Variants in EPS8L2 observed in about 807,000 individuals in gnomAD.
EPS8L2 encodes the protein EPS8 signaling adaptor L2.
A neutral mutation model predicts 99.4 loss-of-function variants in EPS8L2; 81 were observed. That is an observed-to-expected ratio of 0.82 (90% CI 0.68 to 0.98). The LOEUF is 0.98. Among genes scored for constraint, EPS8L2 ranks in the 50% least tolerant of loss-of-function variants. EPS8L2 has a pLI of 0.00. For synonymous variants in EPS8L2, 509 were observed against 407.3 expected (o/e 1.25, Z -3.01); for missense variants, 1,155 against 968.8 (o/e 1.19, Z -2.55).
intron 9 of EPS8L2, 88 bp downstream of exon 9, chr11:721,440 A>T: frequency 6.7e-7 from 1 of 1,490,366 alleles, no homozygotes. Flanking sequence ...GCCAGTCCCC[A>T]GCCTGTGGCT....
chr11:725,597 C>T (rs1376454860), intron 16 of EPS8L2, 131 bp from the exon 17 acceptor site: 3 of 854,122 alleles, frequency 3.5e-6, no homozygotes, highest in East Asian at 6.7e-5. Context: ...AACAGGGGTG[C>T]GGAGAGAATG....
intron 1 of EPS8L2, chr11:708,972 C>T (rs2133496757): frequency 7.3e-6 from 1 of 137,004 alleles, no homozygotes; most frequent in South Asian, 2.5e-4. Flanking sequence ...CACACTCCCA[C>T]CTCATCCCCC....
At chr11:717,633 C>A (rs1862054213) in intron 4 of EPS8L2, among the ~76,000 whole-genome samples, 1 of 152,170 alleles carries the variant, frequency 6.6e-6, no homozygotes, top group Non-Finnish European at 1.5e-5. Flanking sequence ...AATCCCAGCA[C>A]TTTGGGAGGC....
rs1861835432 is a variant in EPS8L2, at chr11:709,788, C to CT, written c.100+181dup. The CT allele has an allele frequency of 7.7e-6, 5 of 647,896 alleles. No homozygotes were observed. The East Asian group carries it at 1.4e-4, about 18-fold the overall frequency. 40.1% of individuals were successfully genotyped at this position (647,896 alleles called of 1,614,324 possible). On this transcript the variant is annotated intron_variant, in intron 3 of 20. Transcript: ENST00000318562. ...CGAAAGCTCCTGGCCACTGGATCCC[C>CT]TCCCCCACACCCGTAAGGGGAGAGG... is the stretch of plus-strand genomic sequence containing the variant.
At chr11:720,978 G>GCCGGCAGGGGTGGGGAGGAGC in intron 7 of EPS8L2, 69 bp downstream of exon 7, 2 of 1,097,670 alleles carry the variant, frequency 1.8e-6, no homozygotes, top group Non-Finnish European at 1.2e-6. Context: ...GAGGGGAGGA[G>GCCGGCAGGGGTGGGGAGGAGC]CCGGCAGGGG....
At position 720,753 on chromosome 11, in the gene EPS8L2, C is replaced by A; in HGVS notation, c.477+7C>A. 2 of 1,081,412 alleles carry A rather than the reference C, an allele frequency of 1.8e-6. No individual in the cohort carries two copies. Among genetic ancestry groups the A allele is most frequent in the Middle Eastern group, 2.9e-4 (1 of 3,474 alleles). 67.0% of individuals were successfully genotyped at this position (1,081,412 alleles called of 1,614,324 possible). On this transcript the variant is annotated splice_region_variant and intron_variant, in intron 6 of 20. Transcript: ENST00000318562. Reference sequence around the variant, plus strand: ...CCACTGCGATGAGGTGGAGGTGAGGCGGTGCCGGGCGGGGCAGGGTGGGGC... The same window carrying A: ...CCACTGCGATGAGGTGGAGGTGAGGAGGTGCCGGGCGGGGCAGGGTGGGGC...
At chr11:710,137 C>G (rs1301897722) in intron 3 of EPS8L2, 1 of 457,524 alleles carries the variant, frequency 2.2e-6, no homozygotes, top group Admixed American at 3.6e-5. Context: ...CCCTCACCCT[C>G]CGGGACAGAA....
At chr11:721,498 T>G in intron 9 of EPS8L2, 67 bp from the exon 10 acceptor site, 1 of 1,514,576 alleles carries the variant, frequency 6.6e-7, no homozygotes, top group Non-Finnish European at 8.8e-7. Flanking sequence ...TCTGTGGGGC[T>G]GTCCCTGCAG....
intron 16 of EPS8L2, among the ~76,000 whole-genome samples, chr11:725,199 GAGC>G (rs978695071): frequency 1.3e-5 from 2 of 152,226 alleles, no homozygotes; most frequent in African/African-American, 4.8e-5. Context: ...ACAGAAAGTG[GAGC>G]AGGCTAGGGG....
At chr11:721,763 A>C (rs753850480) in intron 10 of EPS8L2, 72 bp downstream of exon 10, 9 of 1,547,318 alleles carry the variant, frequency 5.8e-6, no homozygotes, top group Non-Finnish European at 8.0e-6. Context: ...AGGGACGGGG[A>C]CGGGGCCAGG....
Position 724,717 on chromosome 11 carries a change from C to T in EPS8L2, c.1455-7C>T, listed in dbSNP as rs569801997. On this transcript the variant is annotated splice_region_variant and splice_polypyrimidine_tract_variant and intron_variant, in intron 15 of 20. Coordinates refer to ENST00000318562, the MANE Select transcript of EPS8L2 (RefSeq NM_022772.4). This position sits in a 1 kb window ranked among gnomAD's most constrained non-coding sequence, Gnocchi z 5.5. ...GACTGGGCCTCAGCCCCTCCTGTTC[C>T]TCACAGGGGCTACCAGCCAACACCA... 1.9e-6 allele frequency: 3 copies of T among 1,608,700 alleles called. No individual in the cohort carries two copies. Among genetic ancestry groups the T allele is most frequent in the East Asian group, 4.5e-5 (2 of 44,868 alleles).
chr11:715,086 C>CA lies in EPS8L2; in HGVS notation c.165+4606dup, dbSNP rs532191486. 2.7e-3 allele frequency among the ~76,000 whole-genome samples: 412 copies of CA among 152,158 alleles called. 1 individual carries two copies. The highest frequency in any genetic ancestry group is 9.5e-3 in the African/African-American group (393 of 41,528). On this transcript the variant is annotated intron_variant, in intron 4 of 20. Coordinates refer to ENST00000318562, the MANE Select transcript of EPS8L2 (RefSeq NM_022772.4). ...TGAAACCCCGTCTCTACTAAAAATA[C>CA]AAAAAATTAGCCAGGTGGGATGGCG...
In EPS8L2 at chr11:726,151, C is replaced by T. The variant is rs539848608; in HGVS notation, c.1734C>T (p.Ser578=). Residue 578 remains serine (S), a synonymous_variant, in exon 18 of 21, where the codon AGC becomes AGT. Transcript: ENST00000318562. ...PASPTHKLPP[S]FPGNKDELMQ... ...GCCCGACCCACAAGCTACCCCCAAG[C>T]TTCCCGGGGAACAAAGACGGTGAGA... is the stretch of plus-strand genomic sequence containing the variant. 1.9e-6 allele frequency: 3 copies of T among 1,608,904 alleles called. No homozygotes were observed. The highest frequency in any genetic ancestry group is 2.5e-6 in the Non-Finnish European group (3 of 1,178,174).
chr11:727,010 G>T lies in EPS8L2; in HGVS notation c.*29G>T, dbSNP rs565938045. On this transcript the variant is annotated 3_prime_UTR_variant, in exon 21 of 21. Transcript: ENST00000318562. ...CAGCTGCCTTGGGCTGGGGCCTGCG[G>T]AGGGGAAGCCCACCCACAATGCATG... is the stretch of plus-strand genomic sequence containing the variant. 1.0e-5 allele frequency: 15 copies of T among 1,507,250 alleles called. No individual in the cohort carries two copies. The South Asian group carries it at 1.7e-4, about 17-fold the overall frequency. The allele number at this position is 1,507,250 out of a possible 1,614,324, so 93.4% of individuals were successfully genotyped here.
chr11:715,054 A>G (rs998633500), intron 4 of EPS8L2, among the ~76,000 whole-genome samples: 7 of 152,118 alleles, frequency 4.6e-5, no homozygotes, highest in African/African-American at 7.2e-5. Flanking sequence ...CATTCTGGCT[A>G]ACATGGTGAA....
chr11:716,784 A>C (rs1862037997), intron 4 of EPS8L2, among the ~76,000 whole-genome samples: 1 of 152,026 alleles, frequency 6.6e-6, no homozygotes, highest in African/African-American at 2.4e-5. Flanking sequence ...ATGGGTTTCT[A>C]CCTTAATTCT....
Position 726,338 on chromosome 11 carries a change from G to A in EPS8L2, c.1788G>A (p.Glu596=), listed in dbSNP as rs1451510780. ...AGCACATGGACGAGGTCAACGACGAGCTCATCCGGAAAATCAGCAACATCA... is the reference window on the plus strand; with the variant it reads ...AGCACATGGACGAGGTCAACGACGAACTCATCCGGAAAATCAGCAACATCA... ...LMQHMDEVND[E]LIRKISNIRA... Residue 596 remains glutamate, a synonymous_variant, in exon 19 of 21, where the codon GAG becomes GAA. Transcript: ENST00000318562. 6.2e-7 allele frequency: 1 copy of A among 1,610,792 alleles called. No individual in the cohort carries two copies. Among genetic ancestry groups the A allele is most frequent in the African/African-American group, 1.3e-5 (1 of 74,944 alleles).
intron 4 of EPS8L2, among the ~76,000 whole-genome samples, chr11:719,505 A>G (rs1159465276): frequency 1.3e-5 from 2 of 152,228 alleles, no homozygotes; most frequent in Non-Finnish European, 2.9e-5. Context: ...GGATGGACGC[A>G]TCCCGCACAC....
chr11:725,680 G>GC (rs1287082030), intron 16 of EPS8L2, 48 bp from the exon 17 acceptor site: 1 of 1,292,694 alleles, frequency 7.7e-7, no homozygotes, highest in Non-Finnish European at 9.8e-7. Context: ...GGTGGTCCCA[G>GC]CCCCGCAGAG....
Sources: gnomAD v4.1 joint callset for allele counts (sites outside exome capture counted in the v4.1 genomes callset) on GRCh38, gnomAD v4.1.1 for gene constraint, Gnocchi (gnomAD v3.1) non-coding constraint, MANE v1.5 for transcripts, NCBI Gene and HGNC (gene_info 2026-07-23, HGNC 2026-07-21) for gene names.